The following GTPBP4 variants were observed in gnomAD, a reference collection of about 807,000 sequenced individuals.
The protein encoded by GTPBP4 is GTP-binding protein 4.
GTPBP4 carries 15 observed loss-of-function variants against 81.7 expected under a neutral mutation model. The ratio of observed to expected loss-of-function variants is 0.18; its 90% CI spans 0.12 to 0.28. The LOEUF (loss-of-function observed/expected upper bound fraction) is 0.28. Ranked by LOEUF, GTPBP4 falls within the 10% of genes least tolerant of loss-of-function variation. The pLI, the probability that GTPBP4 is intolerant of heterozygous loss-of-function variation, is 1.00. For synonymous variants in GTPBP4, 272 were observed against 274.6 expected, an observed-to-expected ratio of 0.99 and a Z score of 0.09; for missense variants, 847 against 793.8, an observed-to-expected ratio of 1.07 and a Z score of -0.81.
At chr10:1,013,405 T>G (rs187680277) in intron 14 of GTPBP4, among the ~76,000 whole-genome samples, 302 of 151,792 alleles carry the variant, frequency 2.0e-3, no homozygotes, top group Non-Finnish European at 3.7e-3. Flanking sequence ...GTCAGGAGAT[T>G]GAGACCATCC....
chr10:1,011,615 C>T (rs1464143761), intron 13 of GTPBP4, among the ~76,000 whole-genome samples: 1 of 152,234 alleles, frequency 6.6e-6, no homozygotes, highest in Admixed American at 6.5e-5. Context: ...CCCACAGGCC[C>T]TCCGTCATTG....
chr10:999,271 A>C (rs1831583824), intron 6 of GTPBP4, among the ~76,000 whole-genome samples, 176 bp downstream of exon 6: 1 of 152,088 alleles, frequency 6.6e-6, no homozygotes, highest in South Asian at 2.1e-4. Flanking sequence ...GGTGCACACC[A>C]CCACGACCGG....
At chr10:1,003,353 T>C (rs567329896) in intron 8 of GTPBP4, among the ~76,000 whole-genome samples, 64 of 152,212 alleles carry the variant, frequency 4.2e-4, no homozygotes, top group Non-Finnish European at 7.6e-4. Flanking sequence ...TGAGTTTCCT[T>C]CAAAAAAATT....
At position 1,017,969 on chromosome 10, in the gene GTPBP4, C is replaced by T. The variant is rs1284722343; in HGVS notation, c.*742C>T. ...GCGTTGGGGTGAAGAGCTGTGGGGT[C>T]GGAGGGACCTGCCCAGGGGTCCGTG... On this transcript the variant is annotated 3_prime_UTR_variant, in exon 17 of 17. Transcript: ENST00000360803. The T allele has an allele frequency of 6.6e-6, 1 of 152,142 alleles. No individual in the cohort carries two copies. Among genetic ancestry groups the T allele is most frequent in the East Asian group, 1.9e-4 (1 of 5,188 alleles). 9.4% of individuals were successfully genotyped at this position (152,142 alleles called of 1,614,324 possible). A position where few individuals can be genotyped will look rare whatever the true frequency, so the allele number is the denominator to read the frequency against.
At chr10:998,249 G>A (rs1426914340) in intron 5 of GTPBP4, among the ~76,000 whole-genome samples, 8 of 151,918 alleles carry the variant, frequency 5.3e-5, no homozygotes, top group South Asian at 2.1e-4. Context: ...ACAGGTGCAC[G>A]CCACCGCACC....
At chr10:990,658 G>T (rs894736612) in intron 1 of GTPBP4, among the ~76,000 whole-genome samples, 3 of 145,878 alleles carry the variant, frequency 2.1e-5, no homozygotes, top group African/African-American at 7.7e-5. Context: ...AACCCAGGAG[G>T]CAGAGCTTGC....
At chr10:1,005,953 G>T (rs1465990373) in intron 9 of GTPBP4, 46 bp downstream of exon 9, 3 of 944,646 alleles carry the variant, frequency 3.2e-6, no homozygotes, top group Non-Finnish European at 4.9e-6. Context: ...ACTGTCTCTT[G>T]TTTGATTCAA....
At chr10:1,015,922 A>G (rs2306406) in intron 16 of GTPBP4, 26 bp downstream of exon 16, 296,545 of 1,575,464 alleles carry the variant, frequency 0.19, 29,176 homozygotes, top group East Asian at 0.3. Flanking sequence ...GTGTAATGTA[A>G]TAAAATGACA....
At chr10:1,011,999 G>C (rs1382931632) in intron 13 of GTPBP4, among the ~76,000 whole-genome samples, 1 of 152,248 alleles carries the variant, frequency 6.6e-6, no homozygotes, top group East Asian at 1.9e-4. Flanking sequence ...TGGCCGGGTT[G>C]CCTCATTGGG....
intron 6 of GTPBP4, among the ~76,000 whole-genome samples, chr10:1,000,082 G>A (rs556695567): frequency 6.6e-6 from 1 of 152,134 alleles, no homozygotes. Context: ...TGTGTTTTAT[G>A]ATGTCGCTGG....
In GTPBP4 at chr10:1,011,010, CCTGTGTCT is replaced by C. The variant is rs60319418; in HGVS notation, c.1344+492_1344+499del. 5.5e-4 allele frequency among the ~76,000 whole-genome samples: 61 copies of C among 110,252 alleles called. 1 individual carries two copies. The highest frequency in any genetic ancestry group is 1.7e-3 in the Admixed American group (18 of 10,424). The allele number at this position is 110,252 out of a possible 152,430, so 72.3% of individuals were successfully genotyped here. A position where few individuals can be genotyped will look rare whatever the true frequency, so the allele number is the denominator to read the frequency against. Reference sequence around the variant, plus strand: ...CCTCCTGCACCACCTTCCCCCCCACCCTGTGTCTCCGCCAGGCCCTGGATGGGCTCTGC... The same window carrying C: ...CCTCCTGCACCACCTTCCCCCCCACCCCGCCAGGCCCTGGATGGGCTCTGC... On this transcript the variant is annotated intron_variant, in intron 13 of 16. Transcript: ENST00000360803.
chr10:998,811 G>A (rs1278850074), intron 5 of GTPBP4, among the ~76,000 whole-genome samples, 192 bp from the exon 6 acceptor site: 2 of 152,210 alleles, frequency 1.3e-5, no homozygotes, highest in Non-Finnish European at 2.9e-5. Flanking sequence ...CAGCCCTCAC[G>A]CTGTCCTAGT....
In GTPBP4 at chr10:1,019,539, A is replaced by G. The variant is rs772702258; in HGVS notation, c.*2312A>G. 6.2e-7 allele frequency: 1 copy of G among 1,612,972 alleles called. No homozygotes were observed. The highest frequency in any genetic ancestry group is 2.2e-5 in the East Asian group (1 of 44,800). ...CTCTCACACTCTGTGTATTTTGTGA[A>G]GCTCCACAAACGGGGTCACGTCATC... is the stretch of plus-strand genomic sequence containing the variant. On this transcript the variant is annotated 3_prime_UTR_variant, in exon 17 of 17. Transcript: ENST00000360803.
chr10:1,017,158 C>G lies in GTPBP4; in HGVS notation c.1836C>G (p.His612Gln), dbSNP rs367578877. ...GGAAGAAAGGGGAGGCGGATAGACACGTGTTTGATATGAAGCCCAAGCACT... is the reference window on the plus strand; with the variant it reads ...GGAAGAAAGGGGAGGCGGATAGACAGGTGTTTGATATGAAGCCCAAGCACT... ...RLGKKGEADR[H>Q]VFDMKPKHLL... Residue 612 changes from histidine (H) to glutamine (Q), a missense_variant, in exon 17 of 17, where the codon CAC becomes CAG. This residue lies in a region of GTPBP4 where 600 missense variants were observed against 557.1 expected (regional missense o/e 1.08). Coordinates refer to ENST00000360803, the MANE Select transcript of GTPBP4 (RefSeq NM_012341.3). 1 of 1,613,338 alleles carries G rather than the reference C, an allele frequency of 6.2e-7. No individual in the cohort carries two copies. The highest frequency in any genetic ancestry group is 1.7e-5 in the Admixed American group (1 of 59,996).
chr10:995,216 G>T (rs187461224), intron 2 of GTPBP4, among the ~76,000 whole-genome samples: 2 of 152,322 alleles, frequency 1.3e-5, no homozygotes, highest in Non-Finnish European at 2.9e-5. Flanking sequence ...TAGGAAGAAG[G>T]GTGCTGTGGG....
At chr10:1,012,754 T>G (rs1323234292) in intron 14 of GTPBP4, 92 bp downstream of exon 14, 2 of 817,916 alleles carry the variant, frequency 2.4e-6, no homozygotes, top group Non-Finnish European at 3.9e-6. Context: ...TTCAACCCAT[T>G]TATGGCCATA....
chr10:993,042 G>T (rs1831473693), intron 2 of GTPBP4, among the ~76,000 whole-genome samples: 1 of 149,880 alleles, frequency 6.7e-6, no homozygotes, highest in African/African-American at 2.5e-5. Flanking sequence ...CTTTCCAAGG[G>T]TTTTTTTTTT....
chr10:1,010,855 A>G (rs1163685121), intron 13 of GTPBP4, among the ~76,000 whole-genome samples: 1 of 139,282 alleles, frequency 7.2e-6, no homozygotes, highest in East Asian at 2.2e-4. Context: ...ACTGGTGGAG[A>G]TGCTGGGCCC....
chr10:1,011,002 C>A (rs1831853883), intron 13 of GTPBP4, among the ~76,000 whole-genome samples: 2 of 137,510 alleles, frequency 1.5e-5, no homozygotes, highest in Admixed American at 1.5e-4. Context: ...CACCACCTTC[C>A]CCCCCACCCT....
Sources: gnomAD v4.1 joint callset for allele counts (sites outside exome capture counted in the v4.1 genomes callset) on GRCh38, gnomAD v4.1.1 for gene constraint, gnomAD v4.1.1 regional missense constraint, MANE v1.5 for transcripts, NCBI Gene and HGNC (gene_info 2026-07-23, HGNC 2026-07-21) for gene names.